Variants in NSUN4 observed in about 807,000 individuals in gnomAD.
NSUN4 encodes 5-cytosine rRNA methyltransferase NSUN4.
NSUN4 carries 31 observed loss-of-function variants against 43.8 expected under a neutral mutation model. The ratio of observed to expected loss-of-function variants is 0.71; its 90% CI spans 0.53 to 0.96. The LOEUF (loss-of-function observed/expected upper bound fraction) is 0.96, where lower values mean the gene tolerates loss of function less well. Among genes scored for constraint, NSUN4 ranks in the 40% least tolerant of loss-of-function variants. The pLI, the probability that NSUN4 is intolerant of heterozygous loss-of-function variation, is 0.00. For synonymous variants in NSUN4, 167 were observed against 184.1 expected (o/e 0.91, Z 0.75); for missense variants, 439 against 475.6 (o/e 0.92, Z 0.72).
the NSUN4 span, among the ~76,000 whole-genome samples, chr1:46,373,762 C>G: frequency 1.3e-5 from 2 of 152,178 alleles, no homozygotes; most frequent in African/African-American, 4.8e-5. Context: ...ACCTAATCTC[C>G]TCTTCAAGGC....
chr1:46,357,059 A>T (rs1663433076), intron 4 of NSUN4, among the ~76,000 whole-genome samples: 1 of 152,168 alleles, frequency 6.6e-6, no homozygotes, highest in Non-Finnish European at 1.5e-5. Context: ...CCAGTGCCTG[A>T]TGTGAAGATG....
At chr1:46,367,757 A>C (rs1334136931), downstream of NSUN4, among the ~76,000 whole-genome samples, 1 of 147,698 alleles carries the variant, frequency 6.8e-6, no homozygotes, top group African/African-American at 2.5e-5. Flanking sequence ...TTACAATCTG[A>C]AATTTCTTTT....
At chr1:46,358,307 G>A (rs1228931219) in intron 4 of NSUN4, among the ~76,000 whole-genome samples, 6 of 151,956 alleles carry the variant, frequency 3.9e-5, no homozygotes, top group Non-Finnish European at 8.8e-5. Flanking sequence ...TGTTGGCCAG[G>A]CTGGTCTCGA....
downstream of NSUN4, among the ~76,000 whole-genome samples, chr1:46,366,371 A>G (rs1020742983): frequency 6.6e-6 from 1 of 152,208 alleles, no homozygotes; most frequent in Admixed American, 6.5e-5. Flanking sequence ...TGGAGGGAAC[A>G]TAAAGTTAGA....
At chr1:46,365,728 C>T (rs1664120023), downstream of NSUN4, among the ~76,000 whole-genome samples, 1 of 152,202 alleles carries the variant, frequency 6.6e-6, no homozygotes, top group Non-Finnish European at 1.5e-5. Context: ...TACCACCATA[C>T]TGTTTTCCAA....
rs947942993 is a variant in NSUN4, at chr1:46,362,527, G to A, written c.*681G>A. ...AGGAGGCTGCTTCTGCCACAAAACC[G>A]TCATACTCTTGTGCGTGCCTTGTTC... On this transcript the variant is annotated 3_prime_UTR_variant, in exon 6 of 6. Coordinates refer to ENST00000474844, the MANE Select transcript of NSUN4 (RefSeq NM_199044.4). 2 of 152,262 alleles carry A rather than the reference G, an allele frequency of 1.3e-5. No homozygotes were observed. Among genetic ancestry groups the A allele is most frequent in the East Asian group, 1.9e-4 (1 of 5,206 alleles). The allele number at this position is 152,262 out of a possible 1,614,324, so 9.4% of individuals were successfully genotyped here.
the NSUN4 span, among the ~76,000 whole-genome samples, chr1:46,371,873 C>T: frequency 1.3e-5 from 2 of 152,110 alleles, no homozygotes; most frequent in African/African-American, 4.8e-5. Flanking sequence ...CATGTGAACT[C>T]AGAGAGCAAG....
chr1:46,360,738 A>G lies in NSUN4; in HGVS notation c.788A>G (p.His263Arg). Residue 263 changes from histidine (H) to arginine (R), a missense_variant, in exon 5 of 6, where the codon CAC becomes CGC. His to Arg is a conservative substitution (Grantham distance 29). Coordinates refer to ENST00000474844, the MANE Select transcript of NSUN4 (RefSeq NM_199044.4). ...GATGTGCCCTGTACCACAGACCGCC[A>G]CTCCCTTCATGAGGAGGAGAACAAC... ...LVDVPCTTDR[H>R]SLHEEENNIF... 6.2e-7 allele frequency: 1 copy of G among 1,613,950 alleles called. No homozygotes were observed. Among genetic ancestry groups the G allele is most frequent in the Non-Finnish European group, 8.5e-7 (1 of 1,179,870 alleles).
chr1:46,372,309 T>A, the NSUN4 span, among the ~76,000 whole-genome samples: 2 of 151,616 alleles, frequency 1.3e-5, no homozygotes, highest in African/African-American at 4.9e-5. Flanking sequence ...CCCGGCTGGT[T>A]TTTTTTTGTA....
chr1:46,373,883 G>C, the NSUN4 span, among the ~76,000 whole-genome samples: 1 of 151,340 alleles, frequency 6.6e-6, no homozygotes, highest in African/African-American at 2.4e-5. Flanking sequence ...AGTGGAAGTA[G>C]AGAATAGAAT....
At chr1:46,354,148 C>T (rs1663203221) in intron 4 of NSUN4, among the ~76,000 whole-genome samples, 1 of 151,690 alleles carries the variant, frequency 6.6e-6, no homozygotes, top group African/African-American at 2.4e-5. Flanking sequence ...ACTTTGTCAC[C>T]CAGGCTGGAG....
chr1:46,351,238 C>T (rs1399293394), intron 3 of NSUN4, among the ~76,000 whole-genome samples: 3 of 152,164 alleles, frequency 2.0e-5, no homozygotes, highest in Admixed American at 2.0e-4. Context: ...GTGGCGCATG[C>T]CTGTAATCCC....
chr1:46,348,082 C>G (rs1051949305), intron 3 of NSUN4, among the ~76,000 whole-genome samples: 2 of 151,976 alleles, frequency 1.3e-5, no homozygotes, highest in African/African-American at 2.4e-5. Flanking sequence ...GGGTTTCACC[C>G]TGTTAGCCAG....
chr1:46,348,593 C>T (rs72886907), intron 3 of NSUN4, among the ~76,000 whole-genome samples: 33,816 of 150,462 alleles, frequency 0.22, 4,241 homozygotes, highest in Non-Finnish European at 0.29. Context: ...GGGCTAATCC[C>T]AACTACTTGG....
intron 4 of NSUN4, among the ~76,000 whole-genome samples, chr1:46,360,244 AAAAAAATATATAT>A (rs1316033639): frequency 3.8e-4 from 15 of 39,450 alleles, no homozygotes; most frequent in East Asian, 2.5e-3. Flanking sequence ...AAAAAAAAAA[AAAAAAATATATAT>A]ATATATATAT....
Position 46,345,146 on chromosome 1 carries a change from T to C in NSUN4, c.437+2T>C. On this transcript the variant is annotated splice_donor_variant, in intron 2 of 5. Transcript: ENST00000474844. LOFTEE classifies it high-confidence loss of function. ...TATCAGTCGCTTCCCTCCTGCCAGGTAGGATCTGGAGCCATGACTGGAGCG... is the reference window on the plus strand; with the variant it reads ...TATCAGTCGCTTCCCTCCTGCCAGGCAGGATCTGGAGCCATGACTGGAGCG... 1 of 1,594,494 alleles carries C rather than the reference T, an allele frequency of 6.3e-7. No homozygotes were observed. Among genetic ancestry groups the C allele is most frequent in the Non-Finnish European group, 8.5e-7 (1 of 1,170,718 alleles).
At chr1:46,346,811 G>A in intron 2 of NSUN4, 110 bp from the exon 3 acceptor site, 1 of 801,192 alleles carries the variant, frequency 1.2e-6, no homozygotes, top group Non-Finnish European at 2.0e-6. Context: ...TGAAAAATGA[G>A]TTTTTGGTGA....
intron 3 of NSUN4, among the ~76,000 whole-genome samples, chr1:46,352,541 C>A (rs72677590): frequency 7.3e-6 from 1 of 137,610 alleles, no homozygotes; most frequent in African/African-American, 2.8e-5. Flanking sequence ...AGAAGAAAGG[C>A]GAAAGTAATG....
chr1:46,342,259 G>A (rs972890732), intron 1 of NSUN4: 11 of 399,150 alleles, frequency 2.8e-5, no homozygotes, highest in African/African-American at 4.1e-5. Context: ...TTTTACCATG[G>A]CAGCCTTAAG....
Sources: gnomAD v4.1 joint callset for allele counts (sites outside exome capture counted in the v4.1 genomes callset) on GRCh38, gnomAD v4.1.1 for gene constraint, MANE v1.5 for transcripts, NCBI Gene and HGNC (gene_info 2026-07-23, HGNC 2026-07-21) for gene names.